Variants in STARD9 observed in about 807,000 individuals in gnomAD.
STARD9 encodes StAR related lipid transfer domain containing 9, also known as stAR-related lipid transfer protein 9.
Under a neutral mutation model 399.8 loss-of-function variants are expected in STARD9, and 346 were observed. That is an observed-to-expected ratio of 0.87 (90% CI 0.79 to 0.95). STARD9 has a LOEUF of 0.95. Ranked by LOEUF, STARD9 falls within the 40% of genes least tolerant of loss-of-function variation. STARD9 has a pLI of 0.00. For synonymous variants in STARD9, 2,203 were observed against 2,143.5 expected (o/e 1.03, Z -0.77); for missense variants, 5,832 against 5,667.5 (o/e 1.03, Z -0.93).
intron 15 of STARD9, among the ~76,000 whole-genome samples, chr15:42,666,111 T>C (rs188241804): frequency 6.6e-6 from 1 of 152,362 alleles, no homozygotes; most frequent in Admixed American, 6.5e-5. Context: ...AAGACTGTTT[T>C]CTTGTCTAAA....
At chr15:42,703,530 A>AT (rs35809542) in intron 26 of STARD9, among the ~76,000 whole-genome samples, 38,619 of 135,044 alleles carry the variant, frequency 0.29, 6,688 homozygotes, top group African/African-American at 0.49. Context: ...TGCCTGGCTG[A>AT]TTTTTTTTTT....
chr15:42,576,438 G>C (rs1291766383), intron 1 of STARD9, among the ~76,000 whole-genome samples: 3 of 152,190 alleles, frequency 2.0e-5, no homozygotes, highest in East Asian at 1.9e-4. Context: ...TTTGTCACCA[G>C]ATGAAGTGTT....
chr15:42,618,079 A>G (rs549833080), intron 3 of STARD9, among the ~76,000 whole-genome samples: 1 of 151,336 alleles, frequency 6.6e-6, no homozygotes, highest in South Asian at 2.1e-4. Context: ...TTTAGTACAC[A>G]CTTTATGTAT....
chr15:42,679,487 C>T (rs1223987170), intron 20 of STARD9, among the ~76,000 whole-genome samples: 2 of 152,188 alleles, frequency 1.3e-5, no homozygotes, highest in African/African-American at 2.4e-5. Flanking sequence ...ATTGAATGAC[C>T]TCATAGCCTT....
chr15:42,679,323 C>A (rs2060379357), intron 20 of STARD9, among the ~76,000 whole-genome samples: 1 of 152,188 alleles, frequency 6.6e-6, no homozygotes, highest in Admixed American at 6.5e-5. Context: ...ATTCCAGTTG[C>A]TATCCTGAGC....
In STARD9 at chr15:42,687,576, A is replaced by G. The variant is rs1169113020; in HGVS notation, c.5998A>G (p.Lys2000Glu). Residue 2000 changes from lysine (K) to glutamate (E), a missense_variant, in exon 23 of 33, where the codon AAG becomes GAG. Coordinates refer to ENST00000290607, the MANE Select transcript of STARD9 (RefSeq NM_020759.3). ...AGAAGAGTTTAAGCTTCCAGGTACA[A>G]AGCCTGCATATGAAAGGTTCCAGTT... Reference protein sequence around the residue: ...SSEEFKLPGTKPAYERFQLVA... With the variant: ...SSEEFKLPGTEPAYERFQLVA... 1 of 1,537,064 alleles carries G rather than the reference A, an allele frequency of 6.5e-7. No homozygotes were observed. Among genetic ancestry groups the G allele is most frequent in the Admixed American group, 2.0e-5 (1 of 51,006 alleles).
At chr15:42,615,692 G>A (rs1164637069) in intron 3 of STARD9, among the ~76,000 whole-genome samples, 1 of 150,780 alleles carries the variant, frequency 6.6e-6, no homozygotes, top group Non-Finnish European at 1.5e-5. Flanking sequence ...GGAGGAAAGA[G>A]AGAAGGGAGA....
At position 42,693,935 on chromosome 15, in the gene STARD9, T is replaced by C; in HGVS notation, c.12357T>C (p.Ser4119=). 6.6e-7 allele frequency: 1 copy of C among 1,505,970 alleles called. No homozygotes were observed. The highest frequency in any genetic ancestry group is 1.4e-5 in the African/African-American group (1 of 72,442). The allele number at this position is 1,505,970 out of a possible 1,614,324, so 93.3% of individuals were successfully genotyped here. ...ACQPEELLCF[S]CQMCMAPEHQ... ...AACCTGAGGAGTTACTGTGCTTCAGTTGCCAGATGTGCATGGCCCCTGAGC... is the reference window on the plus strand; with the variant it reads ...AACCTGAGGAGTTACTGTGCTTCAGCTGCCAGATGTGCATGGCCCCTGAGC... Residue 4119 remains serine (S), a synonymous_variant, in exon 23 of 33, where the codon AGT becomes AGC. Coordinates refer to ENST00000290607, the MANE Select transcript of STARD9 (RefSeq NM_020759.3).
intron 3 of STARD9, among the ~76,000 whole-genome samples, chr15:42,598,523 G>C (rs2058561644): frequency 6.6e-6 from 1 of 151,570 alleles, no homozygotes; most frequent in Admixed American, 6.6e-5. Flanking sequence ...CATAAAAAAT[G>C]AGGTAGGGCT....
chr15:42,666,760 A>G (rs1281394461), intron 15 of STARD9, among the ~76,000 whole-genome samples: 1 of 152,184 alleles, frequency 6.6e-6, no homozygotes, highest in African/African-American at 2.4e-5. Context: ...GAGGGCAAGG[A>G]CAAGACATTT....
intron 3 of STARD9, among the ~76,000 whole-genome samples, chr15:42,626,261 T>C (rs887385330): frequency 3.3e-5 from 5 of 151,628 alleles, no homozygotes; most frequent in Admixed American, 6.6e-5. Context: ...CCTCTTCCTC[T>C]TCCTCTTCCT....
intron 4 of STARD9, 118 bp downstream of exon 4, chr15:42,635,090 A>G (rs1464896289): frequency 1.5e-5 from 8 of 538,148 alleles, no homozygotes; most frequent in Non-Finnish European, 2.5e-5. Flanking sequence ...AGAAGATTGA[A>G]TGAGCCTTCT....
In STARD9 at chr15:42,688,873, C is replaced by T. The variant is rs1419585104; in HGVS notation, c.7295C>T (p.Thr2432Ile). The T allele has an allele frequency of 6.5e-7, 1 of 1,537,158 alleles. No homozygotes were observed. The highest frequency in any genetic ancestry group is 8.7e-7 in the Non-Finnish European group (1 of 1,146,920). Residue 2432 changes from threonine to isoleucine, a missense_variant, in exon 23 of 33, where the codon ACA (threonine) becomes ATA (isoleucine). Transcript: ENST00000290607. Reference protein sequence around the residue: ...SGVPESIPLGTEDRISASTSP... With the variant: ...SGVPESIPLGIEDRISASTSP... Reference sequence around the variant, plus strand: ...GTACCAGAGAGCATTCCTCTGGGGACAGAGGACAGGATCTCAGCAAGCACC... The same window carrying T: ...GTACCAGAGAGCATTCCTCTGGGGATAGAGGACAGGATCTCAGCAAGCACC...
At chr15:42,585,458 G>A (rs2058255779) in intron 2 of STARD9, 63 bp from the exon 3 acceptor site, 1 of 1,091,392 alleles carries the variant, frequency 9.2e-7, no homozygotes, top group African/African-American at 1.6e-5. Flanking sequence ...GGGTGATCAA[G>A]TGCCACTGGC....
At chr15:42,598,882 A>G (rs2058567447) in intron 3 of STARD9, among the ~76,000 whole-genome samples, 1 of 152,082 alleles carries the variant, frequency 6.6e-6, no homozygotes, top group Non-Finnish European at 1.5e-5. Flanking sequence ...ATCAGTTAAT[A>G]CATTGCTATA....
At chr15:42,669,073 G>C in intron 15 of STARD9, 85 bp from the exon 16 acceptor site, 2 of 1,204,834 alleles carry the variant, frequency 1.7e-6, no homozygotes, top group Middle Eastern at 2.0e-4. Context: ...GTACCCTGGG[G>C]AAATAGGAAT....
At position 42,685,293 on chromosome 15, in the gene STARD9, G is replaced by A; in HGVS notation, c.3715G>A (p.Glu1239Lys). ...ACCCACAGAGACTTTTTGGCACCTGGAGGACTCTAGTCTGCCTGTAATGGA... is the reference window on the plus strand; with the variant it reads ...ACCCACAGAGACTTTTTGGCACCTGAAGGACTCTAGTCTGCCTGTAATGGA... ...EIPTETFWHL[E>K]DSSLPVMDQE... is the part of the protein sequence containing the mutation. Residue 1239 changes from glutamate (E) to lysine (K), a missense_variant, in exon 23 of 33, where the codon GAG (glutamate) becomes AAG (lysine). Physicochemically the swap from Glu to Lys is moderately conservative, Grantham distance 56. This residue lies in a region of STARD9 where 5,828 missense variants were observed against 5,651.1 expected (regional missense o/e 1.03). Coordinates refer to ENST00000290607, the MANE Select transcript of STARD9 (RefSeq NM_020759.3). The A allele has an allele frequency of 6.5e-7, 1 of 1,537,504 alleles. No homozygotes were observed. Among genetic ancestry groups the A allele is most frequent in the Non-Finnish European group, 8.7e-7 (1 of 1,146,974 alleles).
rs1172079095 is a variant in STARD9, at chr15:42,663,874, C to T, written c.1133C>T (p.Ala378Val). The T allele has an allele frequency of 1.3e-6, 2 of 1,536,876 alleles. No individual in the cohort carries two copies. Among genetic ancestry groups the T allele is most frequent in the Admixed American group, 3.9e-5 (2 of 50,998 alleles). ...YSETMSTLRY[A>V]SSAKNIINKP... Reference sequence around the variant, plus strand: ...GAGACCATGAGCACACTGAGATATGCATCCAGTGCCAAAAACATTATCAAC... The same window carrying T: ...GAGACCATGAGCACACTGAGATATGTATCCAGTGCCAAAAACATTATCAAC... Residue 378 changes from alanine (A) to valine (V), a missense_variant, in exon 13 of 33, where the codon GCA (alanine) becomes GTA (valine). Physicochemically the swap from Ala to Val is moderately conservative, Grantham distance 64. This residue lies in a region of STARD9 where 5,828 missense variants were observed against 5,651.1 expected (regional missense o/e 1.03). Coordinates refer to ENST00000290607, the MANE Select transcript of STARD9 (RefSeq NM_020759.3).
At chr15:42,671,599 G>GT (rs1401609178) in intron 16 of STARD9, 4 of 150,774 alleles carry the variant, frequency 2.7e-5, no homozygotes, top group South Asian at 2.1e-4. Flanking sequence ...TAGAGAGCTA[G>GT]TTTTTTTTTA....
Sources: gnomAD v4.1 joint callset for allele counts (sites outside exome capture counted in the v4.1 genomes callset) on GRCh38, gnomAD v4.1.1 for gene constraint, gnomAD v4.1.1 regional missense constraint, MANE v1.5 for transcripts, NCBI Gene and HGNC (gene_info 2026-07-23, HGNC 2026-07-21) for gene names.